EHD4: variants seen among roughly 807,000 people sequenced by gnomAD.
EHD4 encodes EH domain containing 4.
Under a neutral mutation model 51.0 loss-of-function variants are expected in EHD4, and 37 were observed. The observed-to-expected ratio is 0.73, with a 90% CI of 0.56 to 0.95. The LOEUF (loss-of-function observed/expected upper bound fraction) is 0.95, where lower values mean the gene tolerates loss of function less well. EHD4 is among the 40% of genes least tolerant of loss of function. EHD4 has a pLI of 0.00. For synonymous variants in EHD4, 297 were observed against 317.3 expected (o/e 0.94, Z 0.68); for missense variants, 632 against 733.1 (o/e 0.86, Z 1.59).
chr15:41,947,342 A>C (rs941665256), intron 2 of EHD4, among the ~76,000 whole-genome samples: 1 of 152,126 alleles, frequency 6.6e-6, no homozygotes, highest in African/African-American at 2.4e-5. Flanking sequence ...AGGAGGTAGG[A>C]GATTTAGGCT....
At chr15:41,972,108 G>A in intron 1 of EHD4, 151 bp downstream of exon 1, 1 of 671,666 alleles carries the variant, frequency 1.5e-6, no homozygotes, top group Non-Finnish European at 1.9e-6. Flanking sequence ...GGCCAGCCGG[G>A]GCGGGGCCGA....
chr15:41,963,299 A>AG (rs1369499723), intron 1 of EHD4, among the ~76,000 whole-genome samples: 1 of 150,826 alleles, frequency 6.6e-6, no homozygotes, highest in Non-Finnish European at 1.5e-5. Context: ...TAAATACTAA[A>AG]AAAAAAAAAA....
At position 41,901,007 on chromosome 15, in the gene EHD4, C is replaced by T. The variant is rs200863099; in HGVS notation, c.1264G>A (p.Glu422Lys). Residue 422 changes from glutamate (E) to lysine (K), a missense_variant, in exon 6 of 6, where the codon GAG (glutamate) becomes AAG (lysine). Glu to Lys is a moderately conservative substitution (Grantham distance 56). Transcript: ENST00000220325. Reference protein sequence around the residue: ...VQGGAFDGTTEGPFNQGYGEG... With the variant: ...VQGGAFDGTTKGPFNQGYGEG... The stretch of plus-strand genomic sequence containing the variant: ...CCGTAGCCCTGGTTGAAGGGGCCCT[C>T]GGTGGTGCCATCGAAGGCGCCGCCC... 7.3e-5 allele frequency: 117 copies of T among 1,608,510 alleles called. No homozygotes were observed. The highest frequency in any genetic ancestry group is 2.3e-4 in the Admixed American group (14 of 59,806).
rs548598437 is a variant in EHD4 at position 41,909,971 on chromosome 15, C to T, written c.925-108G>A. 1.3e-5 allele frequency: 18 copies of T among 1,408,122 alleles called. No individual in the cohort carries two copies. The African/African-American group carries it at 2.1e-4, about 17-fold the overall frequency. The allele number at this position is 1,408,122 out of a possible 1,614,324, so 87.2% of individuals were successfully genotyped here. A position where few individuals can be genotyped will look rare whatever the true frequency, so the allele number is the denominator to read the frequency against. ...TCATAACACATAACAGGTACCCACA[C>T]AAACCAGGTCCCAAGGACAGGAGGA... On this transcript the variant is annotated intron_variant, in intron 4 of 5. Coordinates refer to ENST00000220325, the MANE Select transcript of EHD4 (RefSeq NM_139265.4).
chr15:41,958,353 A>G (rs1704407), intron 1 of EHD4, among the ~76,000 whole-genome samples: 126,578 of 151,938 alleles, frequency 0.83, 53,290 homozygotes, highest in African/African-American at 0.96. Flanking sequence ...GGATGGTGGG[A>G]TGGATGGGAG....
intron 5 of EHD4, among the ~76,000 whole-genome samples, chr15:41,903,339 A>AAC (rs1399085276): frequency 6.5e-5 from 9 of 139,102 alleles, no homozygotes; most frequent in South Asian, 4.6e-4. Flanking sequence ...TAAAAAAAAA[A>AAC]AACAGAAAAA....
At chr15:41,958,953 G>A (rs1443330449) in intron 1 of EHD4, among the ~76,000 whole-genome samples, 2 of 152,192 alleles carry the variant, frequency 1.3e-5, no homozygotes, top group East Asian at 1.9e-4. Context: ...CTGAGAGGCC[G>A]ACGGGTTCCA....
chr15:41,926,725 C>T (rs1369846432), intron 3 of EHD4, among the ~76,000 whole-genome samples: 4 of 152,220 alleles, frequency 2.6e-5, no homozygotes, highest in Non-Finnish European at 4.4e-5. Flanking sequence ...CAATTCTCAA[C>T]CTTTGCTCAG....
At chr15:41,919,693 C>G (rs1214579271) in intron 3 of EHD4, 71 bp from the exon 4 acceptor site, 1 of 1,396,536 alleles carries the variant, frequency 7.2e-7, no homozygotes, top group Non-Finnish European at 9.4e-7. Flanking sequence ...GGCTCAGGAA[C>G]AGTCTCGCTC....
At chr15:41,931,825 C>CGT (rs2067700731) in intron 3 of EHD4, among the ~76,000 whole-genome samples, 1 of 151,806 alleles carries the variant, frequency 6.6e-6, no homozygotes, top group Non-Finnish European at 1.5e-5. Flanking sequence ...TACAGGCGCA[C>CGT]GCCACCACGC....
chr15:41,921,248 T>C (rs550057643), intron 3 of EHD4, among the ~76,000 whole-genome samples: 1 of 152,324 alleles, frequency 6.6e-6, no homozygotes, highest in South Asian at 2.1e-4. Flanking sequence ...CATTTCTCTG[T>C]TCTGTCTCAC....
intron 5 of EHD4, among the ~76,000 whole-genome samples, chr15:41,906,290 T>C (rs1281008432): frequency 1.3e-5 from 2 of 152,192 alleles, no homozygotes; most frequent in Non-Finnish European, 2.9e-5. Context: ...CTTTTTTGCA[T>C]ACTCACAAAT....
intron 2 of EHD4, among the ~76,000 whole-genome samples, chr15:41,951,433 C>T (rs2067851842): frequency 6.6e-6 from 1 of 152,024 alleles, no homozygotes; most frequent in South Asian, 2.1e-4. Flanking sequence ...CTTTTCTGTA[C>T]TCATCTGTCA....
intron 4 of EHD4, 130 bp from the exon 5 acceptor site, chr15:41,909,993 A>G: frequency 8.3e-7 from 1 of 1,208,048 alleles, no homozygotes; most frequent in South Asian, 1.4e-5. Context: ...CAAGGACAGG[A>G]GGAGGGGAGG....
chr15:41,908,746 C>G (rs959207732), intron 5 of EHD4: 1 of 152,270 alleles, frequency 6.6e-6, no homozygotes, highest in African/African-American at 2.4e-5. Context: ...ATGTTCTTAG[C>G]ACACCTCGGG....
In EHD4 at chr15:41,899,937, G is replaced by A. The variant is rs2067464536; in HGVS notation, c.*708C>T. The A allele has an allele frequency of 6.6e-6, 1 of 152,278 alleles. No homozygotes were observed. Among genetic ancestry groups the A allele is most frequent in the African/African-American group, 2.4e-5 (1 of 41,446 alleles). The allele number at this position is 152,278 out of a possible 1,614,324, so 9.4% of individuals were successfully genotyped here. A position where few individuals can be genotyped will look rare whatever the true frequency, so the allele number is the denominator to read the frequency against. On this transcript the variant is annotated 3_prime_UTR_variant, in exon 6 of 6. Transcript: ENST00000220325. ...CAAATTCCTAGCCGAATATGGCTTT[G>A]CTGGTAAGCCCCCTGGAAGGGAGGT...
chr15:41,932,556 TG>T (rs916742975), intron 3 of EHD4, among the ~76,000 whole-genome samples: 21 of 152,284 alleles, frequency 1.4e-4, no homozygotes, highest in Admixed American at 2.6e-4. Flanking sequence ...TACAGGTGAA[TG>T]GAGGTTTCTT....
Position 41,972,525 on chromosome 15 carries a change from C to G in EHD4, c.-31G>C. Reference sequence around the variant, plus strand: ...CGCCAGTCCACGCTCGGATGGGACCCTGCTCCGGGTTCGACTCTCCCCGGC... The same window carrying G: ...CGCCAGTCCACGCTCGGATGGGACCGTGCTCCGGGTTCGACTCTCCCCGGC... On this transcript the variant is annotated 5_prime_UTR_variant, in exon 1 of 6. Coordinates refer to ENST00000220325, the MANE Select transcript of EHD4 (RefSeq NM_139265.4). 1 of 1,464,402 alleles carries G rather than the reference C, an allele frequency of 6.8e-7. No individual in the cohort carries two copies. The highest frequency in any genetic ancestry group is 9.0e-7 in the Non-Finnish European group (1 of 1,112,436). 90.7% of individuals were successfully genotyped at this position (1,464,402 alleles called of 1,614,324 possible). A position where few individuals can be genotyped will look rare whatever the true frequency, so the allele number is the denominator to read the frequency against.
intron 4 of EHD4, among the ~76,000 whole-genome samples, chr15:41,918,916 A>G (rs1009748844): frequency 1.2e-4 from 19 of 152,224 alleles, no homozygotes; most frequent in African/African-American, 3.9e-4. Context: ...TGCACCAGGC[A>G]CTATGCCAAG....
Sources: allele counts gnomAD v4.1 joint callset (sites outside exome capture counted in the v4.1 genomes callset), GRCh38; gene constraint gnomAD v4.1.1; transcripts MANE v1.5; gene names NCBI Gene and HGNC (gene_info 2026-07-23, HGNC 2026-07-21).